BFSP1: variants seen among roughly 807,000 people sequenced by gnomAD.
BFSP1 encodes filensin.
BFSP1 carries 38 observed loss-of-function variants against 43.9 expected under a neutral mutation model. The ratio of observed to expected loss-of-function variants is 0.87; its 90% CI spans 0.67 to 1.14. BFSP1 has a LOEUF of 1.14. Among genes scored for constraint, BFSP1 ranks in the 50% most tolerant of loss-of-function variants. The probability of loss-of-function intolerance (pLI) is 0.00; values close to 1 mark genes in which losing one functional copy is unlikely to be tolerated. For missense variants in BFSP1, 850 were observed against 875.1 expected, an observed-to-expected ratio of 0.97 and a Z score of 0.36; for synonymous variants, 352 against 354.8, an observed-to-expected ratio of 0.99 and a Z score of 0.09.
chr20:17,533,358 T>C (rs1568707162), upstream of BFSP1, among the ~76,000 whole-genome samples: 1 of 152,170 alleles, frequency 6.6e-6, no homozygotes, highest in Admixed American at 6.5e-5. Context: ...GCAAGAGTTA[T>C]AAAATCATTT....
At chr20:17,543,842 A>G (rs2034759561) in intron 1 of BFSP1, among the ~76,000 whole-genome samples, 1 of 152,260 alleles carries the variant, frequency 6.6e-6, no homozygotes, top group Admixed American at 6.5e-5. Context: ...CATTAGCTAC[A>G]TGACTTACAC....
chr20:17,505,489 G>A (rs935354473), intron 5 of BFSP1, among the ~76,000 whole-genome samples: 4 of 152,234 alleles, frequency 2.6e-5, no homozygotes, highest in Non-Finnish European at 5.9e-5. Context: ...CGCTGCCACG[G>A]CCCTGGTGCT....
At chr20:17,503,283 G>C (rs1191018819) in intron 5 of BFSP1, among the ~76,000 whole-genome samples, 2 of 152,178 alleles carry the variant, frequency 1.3e-5, no homozygotes, top group East Asian at 3.9e-4. Flanking sequence ...TCCCACCTTG[G>C]CCTCCCAAAG....
In BFSP1 at chr20:17,517,415, CT is replaced by C. The variant is rs1047860440; in HGVS notation, c.439-2600del. ...CCTCCTGCCTCAGCCTCCCAAGTAG[CT>C]GGGACTACAGGTGCACACCACCACG... On this transcript the variant is annotated intron_variant, in intron 2 of 7. Transcript: ENST00000377873. The C allele has an allele frequency of 6.1e-5, 43 of 704,242 alleles. No homozygotes were observed. In the African/African-American group the frequency reaches 7.1e-4, roughly 12 times the overall value. 43.6% of individuals were successfully genotyped at this position (704,242 alleles called of 1,614,324 possible).
At chr20:17,511,509 A>T (rs2034078566) in intron 4 of BFSP1, among the ~76,000 whole-genome samples, 1 of 152,232 alleles carries the variant, frequency 6.6e-6, no homozygotes, top group African/African-American at 2.4e-5. Flanking sequence ...ATGAGTGCAC[A>T]AAAGGATGCT....
At chr20:17,530,565 G>A (rs1171658105) in intron 1 of BFSP1, among the ~76,000 whole-genome samples, 2 of 152,194 alleles carry the variant, frequency 1.3e-5, no homozygotes. Flanking sequence ...GGGGCAAAGG[G>A]GACTGACTGG....
chr20:17,537,371 A>T (rs1374426771), intron 1 of BFSP1, among the ~76,000 whole-genome samples: 1 of 152,122 alleles, frequency 6.6e-6, no homozygotes, highest in East Asian at 1.9e-4. Flanking sequence ...TGCTCCTGGA[A>T]GTGATGAGTC....
At chr20:17,547,335 G>T (rs2071853938) in intron 1 of BFSP1, among the ~76,000 whole-genome samples, 1 of 152,090 alleles carries the variant, frequency 6.6e-6, no homozygotes. Context: ...TTCCGAAGCT[G>T]CTTCCTGCTG....
chr20:17,531,289 TG>T lies in BFSP1; in HGVS notation c.40del (p.Gln14SerfsTer124). The T allele has an allele frequency of 6.8e-7, 1 of 1,473,994 alleles. No individual in the cohort carries two copies. Among genetic ancestry groups the T allele is most frequent in the Non-Finnish European group, 8.9e-7 (1 of 1,118,482 alleles). The allele number at this position is 1,473,994 out of a possible 1,614,324, so 91.3% of individuals were successfully genotyped here. A position where few individuals can be genotyped will look rare whatever the true frequency, so the allele number is the denominator to read the frequency against. ...CGAAGCCTCGTCGGCGTGCTCGTAC[TG>T]CTCCTTGCGGGTCTGGAAGACGTAG... Reference protein sequence around the residue: ...RSYVFQTRKEQYEHADEASRA... With the variant: ...RSYVFQTRKEXYEHADEASRA... On this transcript the variant is annotated frameshift_variant, in exon 1 of 8. Coordinates refer to ENST00000377873, the MANE Select transcript of BFSP1 (RefSeq NM_001195.5). LOFTEE classifies it high-confidence loss of function.
intron 1 of BFSP1, among the ~76,000 whole-genome samples, chr20:17,554,165 G>A (rs1008502616): frequency 2.0e-5 from 3 of 152,066 alleles, no homozygotes; most frequent in African/African-American, 7.2e-5. Flanking sequence ...GGCTGACTTT[G>A]TTAGATTTAT....
At chr20:17,546,729 G>A (rs1187450170) in intron 1 of BFSP1, among the ~76,000 whole-genome samples, 3 of 151,744 alleles carry the variant, frequency 2.0e-5, no homozygotes, top group African/African-American at 7.3e-5. Flanking sequence ...AAAGAAGAAA[G>A]CAGCTCTTTG....
At chr20:17,538,685 C>T (rs777033781) in intron 1 of BFSP1, among the ~76,000 whole-genome samples, 4 of 152,186 alleles carry the variant, frequency 2.6e-5, no homozygotes, top group Non-Finnish European at 5.9e-5. Flanking sequence ...ACCAACTCAT[C>T]GTCATTCTGG....
At chr20:17,496,453 G>A (rs1478260110) in intron 7 of BFSP1, among the ~76,000 whole-genome samples, 1 of 152,180 alleles carries the variant, frequency 6.6e-6, no homozygotes, top group Non-Finnish European at 1.5e-5. Context: ...TTGAGGGAGG[G>A]GAGAATGAGA....
At chr20:17,552,098 T>C (rs1036071073) in intron 1 of BFSP1, among the ~76,000 whole-genome samples, 4 of 152,008 alleles carry the variant, frequency 2.6e-5, no homozygotes, top group African/African-American at 4.8e-5. Flanking sequence ...AAATAGAGTA[T>C]AATAAGTGGT....
chr20:17,533,004 G>A (rs949935216), upstream of BFSP1, among the ~76,000 whole-genome samples: 2 of 152,060 alleles, frequency 1.3e-5, no homozygotes, highest in East Asian at 1.9e-4. Flanking sequence ...AGCTCTGCAA[G>A]GCCCTAAACT....
intron 5 of BFSP1, among the ~76,000 whole-genome samples, chr20:17,501,565 ACCCCAGACTGGGTGACAGAGCG>A (rs1271897198): frequency 3.9e-5 from 3 of 76,916 alleles, no homozygotes; most frequent in African/African-American, 1.8e-4. Context: ...GTGACAGAGC[ACCCCAGACTGGGTGACAGAGCG>A]AGACTCTGTC....
At chr20:17,514,411 A>C (rs978002219) in intron 3 of BFSP1, among the ~76,000 whole-genome samples, 3 of 152,216 alleles carry the variant, frequency 2.0e-5, no homozygotes, top group African/African-American at 7.2e-5. Flanking sequence ...TTCTGAGCGG[A>C]AACAGTTGAT....
At chr20:17,537,772 A>G (rs949083195) in intron 1 of BFSP1, among the ~76,000 whole-genome samples, 3 of 152,148 alleles carry the variant, frequency 2.0e-5, no homozygotes, top group Non-Finnish European at 4.4e-5. Context: ...TGATAAAAAT[A>G]TTGTAACAGA....
rs1249192736 is a variant in BFSP1 at position 17,494,532 on chromosome 20, G to A, written c.1540C>T (p.Pro514Ser). ...TCTAAAGGGGGCTTGGGTGACTCAG[G>A]AGAGGGCTCCACCTGGCCGTCATAA... ...VLYDGQVEPSPESPKPPLENG... is the reference protein window; with the variant it reads ...VLYDGQVEPSSESPKPPLENG... Residue 514 changes from proline to serine, a missense_variant, in exon 8 of 8, where the codon CCT (proline) becomes TCT (serine). Physicochemically the swap from Pro to Ser is moderately conservative, Grantham distance 74 (BLOSUM62 -1). Coordinates refer to ENST00000377873, the MANE Select transcript of BFSP1 (RefSeq NM_001195.5). 6.2e-7 allele frequency: 1 copy of A among 1,614,072 alleles called. No individual in the cohort carries two copies. Among genetic ancestry groups the A allele is most frequent in the Non-Finnish European group, 8.5e-7 (1 of 1,180,038 alleles).
Sources: gnomAD v4.1 joint callset for allele counts (sites outside exome capture counted in the v4.1 genomes callset) on GRCh38, gnomAD v4.1.1 for gene constraint, MANE v1.5 for transcripts, NCBI Gene and HGNC (gene_info 2026-07-23, HGNC 2026-07-21) for gene names.